PPP2R2B: variants seen among roughly 807,000 people sequenced by gnomAD.
PPP2R2B encodes protein phosphatase 2 regulatory subunit Bbeta, also known as serine/threonine-protein phosphatase 2A 55 kDa regulatory subunit B beta isoform.
In PPP2R2B, 5 loss-of-function variants were observed where a neutral mutation model predicts 46.0. That is an observed-to-expected ratio of 0.11 (90% CI 0.06 to 0.23). The LOEUF (loss-of-function observed/expected upper bound fraction) is 0.23. Ranked by LOEUF, PPP2R2B falls within the 10% of genes least tolerant of loss-of-function variation. The probability of loss-of-function intolerance (pLI) is 1.00; values close to 1 mark genes in which losing one functional copy is unlikely to be tolerated. For synonymous variants in PPP2R2B, 215 were observed against 206.7 expected, an observed-to-expected ratio of 1.04 and a Z score of -0.34; for missense variants, 367 against 575.0, an observed-to-expected ratio of 0.64 and a Z score of 3.70.
intron 2 of PPP2R2B, among the ~76,000 whole-genome samples, chr5:146,809,600 G>A (rs1028548726): frequency 4.6e-5 from 7 of 152,280 alleles, no homozygotes; most frequent in African/African-American, 1.4e-4. Context: ...CTGGAAGGAC[G>A]AAGCAGCTAG....
intron 5 of PPP2R2B, among the ~76,000 whole-genome samples, 190 bp downstream of exon 5, chr5:146,690,938 G>A (rs1778809732): frequency 6.6e-6 from 1 of 152,240 alleles, no homozygotes; most frequent in Non-Finnish European, 1.5e-5. Context: ...TGGATTTGTA[G>A]TCATTAGAAG....
intron 1 of PPP2R2B, among the ~76,000 whole-genome samples, chr5:147,023,409 T>C (rs1755380234): frequency 1.3e-5 from 2 of 152,034 alleles, no homozygotes; most frequent in Admixed American, 6.6e-5. Context: ...AATTTAAAAA[T>C]GGAATGAGCT....
At chr5:146,906,179 A>G (rs895175987) in intron 1 of PPP2R2B, among the ~76,000 whole-genome samples, 1 of 152,134 alleles carries the variant, frequency 6.6e-6, no homozygotes, top group African/African-American at 2.4e-5. Flanking sequence ...GATGTGAAAA[A>G]AGACATAAAG....
At chr5:146,791,220 C>T (rs1010014182) in intron 2 of PPP2R2B, among the ~76,000 whole-genome samples, 1 of 152,154 alleles carries the variant, frequency 6.6e-6, no homozygotes, top group East Asian at 1.9e-4. Flanking sequence ...CACACCATAT[C>T]TTACATTAGC....
chr5:146,819,728 A>C (rs1164110404), intron 2 of PPP2R2B, among the ~76,000 whole-genome samples: 1 of 152,180 alleles, frequency 6.6e-6, no homozygotes, highest in Non-Finnish European at 1.5e-5. Flanking sequence ...AAAATTAAAA[A>C]TAGAACTACC....
intron 6 of PPP2R2B, 87 bp downstream of exon 6, chr5:146,650,460 T>G: frequency 7.7e-7 from 1 of 1,302,276 alleles, no homozygotes; most frequent in Non-Finnish European, 1.1e-6. Flanking sequence ...AGGTGTTGCA[T>G]TTCTATTCCA....
intron 2 of PPP2R2B, among the ~76,000 whole-genome samples, chr5:146,760,671 G>A (rs956445909): frequency 6.6e-6 from 1 of 152,320 alleles, no homozygotes; most frequent in Admixed American, 6.5e-5. Context: ...AGTATGGTCT[G>A]CATGCTCTGC....
intron 2 of PPP2R2B, among the ~76,000 whole-genome samples, chr5:146,807,076 C>T (rs1757222495): frequency 6.6e-6 from 1 of 152,172 alleles, no homozygotes. Flanking sequence ...GGGGGCCTGG[C>T]AGAAATGCAG....
intron 2 of PPP2R2B, among the ~76,000 whole-genome samples, chr5:146,733,816 T>C (rs1752374083): frequency 6.6e-6 from 1 of 152,168 alleles, no homozygotes. Flanking sequence ...GTCTTTGCAA[T>C]ATATGTGCTG....
chr5:146,817,135 T>C (rs759803566), intron 2 of PPP2R2B, among the ~76,000 whole-genome samples: 1 of 152,190 alleles, frequency 6.6e-6, no homozygotes, highest in Non-Finnish European at 1.5e-5. Flanking sequence ...ACAATTCATG[T>C]TGCTACATTT....
chr5:146,603,146 C>T (rs929563507), intron 7 of PPP2R2B, among the ~76,000 whole-genome samples: 9 of 152,160 alleles, frequency 5.9e-5, no homozygotes, highest in Admixed American at 2.6e-4. Flanking sequence ...AAGCTTGGTA[C>T]GCAGTAGGTC....
intron 1 of PPP2R2B, among the ~76,000 whole-genome samples, chr5:146,934,981 C>A (rs1764094191): frequency 6.6e-6 from 1 of 152,072 alleles, no homozygotes; most frequent in Non-Finnish European, 1.5e-5. Flanking sequence ...CCATCAGTTA[C>A]CATTGATTAA....
chr5:146,807,895 G>A (rs911114355), intron 2 of PPP2R2B, among the ~76,000 whole-genome samples: 1 of 147,294 alleles, frequency 6.8e-6, no homozygotes, highest in Admixed American at 7.0e-5. Flanking sequence ...CGCCTGGTGG[G>A]TTCAAGCAAT....
At chr5:146,907,947 T>C (rs1763055026) in intron 1 of PPP2R2B, among the ~76,000 whole-genome samples, 1 of 152,198 alleles carries the variant, frequency 6.6e-6, no homozygotes, top group Admixed American at 6.5e-5. Context: ...GGAAAAACCA[T>C]GTTGTTCTTC....
intron 1 of PPP2R2B, among the ~76,000 whole-genome samples, chr5:146,937,980 G>T (rs903926649): frequency 6.6e-6 from 1 of 152,120 alleles, no homozygotes; most frequent in African/African-American, 2.4e-5. Flanking sequence ...TTGAACAAAA[G>T]TTGAATTGAA....
At chr5:146,969,682 G>A (rs1752583034) in intron 1 of PPP2R2B, among the ~76,000 whole-genome samples, 1 of 152,208 alleles carries the variant, frequency 6.6e-6, no homozygotes, top group Admixed American at 6.5e-5. Context: ...AGGAGGTTGT[G>A]CCTGCTGGAC....
intron 6 of PPP2R2B, among the ~76,000 whole-genome samples, chr5:146,640,813 C>A (rs1468400269): frequency 6.6e-6 from 1 of 152,194 alleles, no homozygotes; most frequent in African/African-American, 2.4e-5. Flanking sequence ...CCAGGCACAT[C>A]CTCCACCATC....
intron 1 of PPP2R2B, among the ~76,000 whole-genome samples, chr5:146,946,778 C>T (rs1306985882): frequency 3.9e-5 from 6 of 151,960 alleles, no homozygotes; most frequent in Non-Finnish European, 8.8e-5. Flanking sequence ...CAGAGGAGGC[C>T]GAAGCCATTA....
At chr5:146,877,951 C>A (rs748136236) in intron 2 of PPP2R2B, 51 bp downstream of exon 2, 3 of 1,582,936 alleles carry the variant, frequency 1.9e-6, no homozygotes, top group East Asian at 2.2e-5. Flanking sequence ...GCACAGTGAT[C>A]CGCAACTTGC....
Sources: allele counts gnomAD v4.1 joint callset (sites outside exome capture counted in the v4.1 genomes callset), GRCh38; gene constraint gnomAD v4.1.1; transcripts MANE v1.5; gene names NCBI Gene and HGNC (gene_info 2026-07-23, HGNC 2026-07-21).